HTR2C: variants seen among roughly 807,000 people sequenced by gnomAD.
The protein encoded by HTR2C is 5-hydroxytryptamine (serotonin) receptor 2C, G protein-coupled.
A neutral mutation model predicts 21.0 loss-of-function variants in HTR2C; 5 were observed. The ratio of observed to expected loss-of-function variants is 0.24; its 90% confidence interval spans 0.12 to 0.50. The LOEUF (loss-of-function observed/expected upper bound fraction) is 0.50, where lower values mean the gene tolerates loss of function less well. HTR2C is among the 20% of genes least tolerant of loss of function. The pLI, the probability that HTR2C is intolerant of heterozygous loss-of-function variation, is 0.98. For synonymous variants in HTR2C, 150 were observed against 145.3 expected, an observed-to-expected ratio of 1.03 and a Z score of -0.23; for missense variants, 271 against 371.2, an observed-to-expected ratio of 0.73 and a Z score of 2.22.
intron 4 of HTR2C, among the ~76,000 whole-genome samples, chrX:114,798,658 C>A (rs1376266400): frequency 1.8e-5 from 2 of 110,867 alleles, no homozygotes; most frequent in Non-Finnish European, 1.9e-5. Context: ...GGCTCATAGT[C>A]TTTAAATTTA....
chrX:114,885,506 G>C (rs782376348), intron 5 of HTR2C, among the ~76,000 whole-genome samples: 4 of 111,136 alleles, frequency 3.6e-5, no homozygotes, highest in African/African-American at 9.7e-5. Context: ...TAAATTTTTG[G>C]CTTTATATAA....
intron 2 of HTR2C, among the ~76,000 whole-genome samples, chrX:114,654,099 A>G (rs183337679): frequency 2.7e-4 from 30 of 110,136 alleles, no homozygotes; most frequent in Admixed American, 1.5e-3. Context: ...TAGAAAGTCT[A>G]TTGATCCAAC....
intron 4 of HTR2C, among the ~76,000 whole-genome samples, chrX:114,805,860 A>ATATACCATATG (rs1556448954): frequency 0.015 from 1,397 of 90,473 alleles, 60 homozygotes; most frequent in African/African-American, 0.054. Flanking sequence ...TATACCATAT[A>ATATACCATATG]TATACCATAT....
chrX:114,870,209 T>C (rs988659134), intron 5 of HTR2C, among the ~76,000 whole-genome samples: 2 of 110,161 alleles, frequency 1.8e-5, no homozygotes, highest in African/African-American at 6.6e-5. Context: ...TGCCTCAGCC[T>C]CCTGAGTAGC....
At chrX:114,899,021 G>A (rs1413140199) in intron 5 of HTR2C, among the ~76,000 whole-genome samples, 1 of 112,200 alleles carries the variant, frequency 8.9e-6, no homozygotes, top group Non-Finnish European at 1.9e-5. Flanking sequence ...CTATCCATGA[G>A]CATGGAATGT....
intron 2 of HTR2C, among the ~76,000 whole-genome samples, chrX:114,650,620 T>A (rs1556408340): frequency 1.8e-5 from 2 of 112,011 alleles, no homozygotes; most frequent in African/African-American, 6.5e-5. Context: ...CCATTTCTTG[T>A]GTTGATCTGT....
At chrX:114,828,920 G>A (rs925999454) in intron 4 of HTR2C, among the ~76,000 whole-genome samples, 1 of 111,823 alleles carries the variant, frequency 8.9e-6, no homozygotes, top group Middle Eastern at 4.2e-3. Flanking sequence ...CTCTTTTTAT[G>A]GTTGAATAAT....
intron 4 of HTR2C, among the ~76,000 whole-genome samples, chrX:114,758,581 G>T (rs2069836524): frequency 9.0e-6 from 1 of 111,155 alleles, no homozygotes; most frequent in South Asian, 3.8e-4. Flanking sequence ...AAGATGTTTT[G>T]TTATCTATTA....
chrX:114,616,379 C>A (rs782638481), intron 2 of HTR2C, among the ~76,000 whole-genome samples: 2 of 109,878 alleles, frequency 1.8e-5, no homozygotes, highest in East Asian at 5.8e-4. Flanking sequence ...CTCTGCCTGC[C>A]GGGTTCAAGC....
chrX:114,622,937 A>G lies in HTR2C; in HGVS notation c.-80+9056A>G, dbSNP rs370075856. Among the ~76,000 whole-genome samples the G allele has an allele frequency of 8.9e-5, 10 of 112,124 alleles. No homozygotes were observed. In the East Asian group the frequency reaches 1.7e-3, roughly 19 times the overall value. ...GGTAATTTTTAAATACTGGCTAACC[A>G]TGAGAGGAAAGGCAGTAAGGTTTTA... On this transcript the variant is annotated intron_variant, in intron 2 of 5. Transcript: ENST00000276198.
chrX:114,774,342 T>A (rs1349339768), intron 4 of HTR2C, among the ~76,000 whole-genome samples: 1 of 111,702 alleles, frequency 9.0e-6, no homozygotes, highest in Non-Finnish European at 1.9e-5. Flanking sequence ...CAATTTAAAT[T>A]ACTATAATAA....
intron 2 of HTR2C, among the ~76,000 whole-genome samples, chrX:114,693,707 CT>C (rs782618241): frequency 3.6e-5 from 4 of 111,615 alleles, no homozygotes; most frequent in African/African-American, 1.3e-4. Flanking sequence ...AAAATCACCC[CT>C]GGTTGAGAAC....
chrX:114,879,541 T>G (rs1488272376), intron 5 of HTR2C, among the ~76,000 whole-genome samples: 6 of 110,111 alleles, frequency 5.4e-5, no homozygotes, highest in African/African-American at 1.3e-4. Flanking sequence ...TGTGAGATTT[T>G]GGTGCACCCA....
At chrX:114,623,358 C>G (rs1556402153) in intron 2 of HTR2C, among the ~76,000 whole-genome samples, 1 of 111,800 alleles carries the variant, frequency 8.9e-6, no homozygotes, top group Non-Finnish European at 1.9e-5. Flanking sequence ...TTATAACTGA[C>G]GTTTACTTAA....
intron 2 of HTR2C, among the ~76,000 whole-genome samples, chrX:114,725,848 C>A (rs1327822580): frequency 9.0e-6 from 1 of 110,722 alleles, no homozygotes; most frequent in Admixed American, 9.6e-5. Context: ...GTCAGGAACC[C>A]ACTTGAGGAG....
chrX:114,670,949 T>A (rs1931358977), intron 2 of HTR2C, among the ~76,000 whole-genome samples: 1 of 112,267 alleles, frequency 8.9e-6, no homozygotes, highest in Non-Finnish European at 1.9e-5. Context: ...TCATTCGTAT[T>A]TAAGTTACTG....
intron 5 of HTR2C, among the ~76,000 whole-genome samples, chrX:114,879,285 A>G (rs2071162383): frequency 9.2e-6 from 1 of 108,712 alleles, no homozygotes; most frequent in South Asian, 3.8e-4. Context: ...TCTGAAATTA[A>G]TATACATACT....
chrX:114,767,824 TAATTTTGAATTC>T (rs2069961198), intron 4 of HTR2C, among the ~76,000 whole-genome samples: 1 of 109,844 alleles, frequency 9.1e-6, no homozygotes, highest in Admixed American at 9.8e-5. Flanking sequence ...ATGAAGTGTC[TAATTTTGAATTC>T]CTCATAAACC....
chrX:114,754,130 C>T (rs1277453831), intron 4 of HTR2C, among the ~76,000 whole-genome samples: 1 of 111,012 alleles, frequency 9.0e-6, no homozygotes, highest in African/African-American at 3.3e-5. Flanking sequence ...TTAATTACCT[C>T]TCTAAAGGCA....
Sources: allele counts gnomAD v4.1 joint callset (sites outside exome capture counted in the v4.1 genomes callset), GRCh38; gene constraint gnomAD v4.1.1; transcripts MANE v1.5; gene names NCBI Gene and HGNC (gene_info 2026-07-23, HGNC 2026-07-21).